The following TMPRSS2 variants were observed in gnomAD, a reference collection of about 807,000 sequenced individuals.
TMPRSS2 encodes the protein transmembrane protease serine 2.
A neutral mutation model predicts 67.4 loss-of-function variants in TMPRSS2; 59 were observed. The observed-to-expected ratio is 0.88, with a 90% CI of 0.71 to 1.09. The LOEUF is 1.09. TMPRSS2 is among the 50% of genes least tolerant of loss of function. The pLI, the probability that TMPRSS2 is intolerant of heterozygous loss-of-function variation, is 0.00. For synonymous variants in TMPRSS2, 257 were observed against 257.0 expected (o/e 1.00, Z 0.00); for missense variants, 668 against 642.7 (o/e 1.04, Z -0.43).
At position 41,465,295 on chromosome 21, in the gene TMPRSS2, C is replaced by T. The variant is rs1601556972; in HGVS notation, c.*847G>A. The T allele has an allele frequency of 4.3e-6, 1 of 233,752 alleles. No homozygotes were observed. Among genetic ancestry groups the T allele is most frequent in the East Asian group, 6.0e-5 (1 of 16,574 alleles). The allele number at this position is 233,752 out of a possible 1,614,324, so 14.5% of individuals were successfully genotyped here. Reference sequence around the variant, plus strand: ...GAGCATCCTTGATTTCCCCCATGGACCTCAATTTCCAGTGACTAGCAGGCC... The same window carrying T: ...GAGCATCCTTGATTTCCCCCATGGATCTCAATTTCCAGTGACTAGCAGGCC... On this transcript the variant is annotated 3_prime_UTR_variant, in exon 14 of 14. Transcript: ENST00000332149.
chr21:41,476,167 A>G (rs1601570874), intron 8 of TMPRSS2, among the ~76,000 whole-genome samples: 1 of 152,158 alleles, frequency 6.6e-6, no homozygotes. Flanking sequence ...CCACTGGCTG[A>G]TGAGCACCTG....
chr21:41,501,361 C>G (rs2091422296), intron 1 of TMPRSS2, among the ~76,000 whole-genome samples: 2 of 152,328 alleles, frequency 1.3e-5, no homozygotes, highest in African/African-American at 4.8e-5. Flanking sequence ...ATAATTCCAG[C>G]ACTTTGGGAG....
chr21:41,506,243 G>T (rs1350353773), intron 1 of TMPRSS2, among the ~76,000 whole-genome samples: 4 of 152,330 alleles, frequency 2.6e-5, no homozygotes, highest in African/African-American at 9.6e-5. Context: ...TGGGAATAAG[G>T]GAAGCTGCTG....
At chr21:41,495,284 T>C (rs1964761667) in intron 2 of TMPRSS2, among the ~76,000 whole-genome samples, 1 of 152,106 alleles carries the variant, frequency 6.6e-6, no homozygotes, top group African/African-American at 2.4e-5. Context: ...TAATACAATA[T>C]TTATTCACGA....
intron 3 of TMPRSS2, among the ~76,000 whole-genome samples, chr21:41,491,667 AAGATAAAATAACTGGTCTGCTG>A (rs1427448103): frequency 6.6e-6 from 1 of 152,230 alleles, no homozygotes; most frequent in Non-Finnish European, 1.5e-5. Flanking sequence ...CATTTTATCC[AAGATAAAATAACTGGTCTGCTG>A]AGATGAGGGC....
At position 41,494,382 on chromosome 21, in the gene TMPRSS2, G is replaced by A. The variant is rs1037177177; in HGVS notation, c.212C>T (p.Ser71Phe). 6.2e-7 allele frequency: 1 copy of A among 1,609,906 alleles called. No individual in the cohort carries two copies. The highest frequency in any genetic ancestry group is 1.3e-5 in the African/African-American group (1 of 74,600). The stretch of plus-strand genomic sequence containing the variant: ...TGAGGTGCACACTGTCCCGGATGGG[G>A]ATTTGGGCTGCGTGCAGACGACGGG... ...SNPVVCTQPK[S>F]PSGTVCTSKT... Residue 71 changes from serine (S) to phenylalanine (F), a missense_variant, in exon 3 of 14, where the codon TCC becomes TTC. Ser to Phe is a radical substitution (Grantham distance 155). Transcript: ENST00000332149.
At chr21:41,476,710 T>A in intron 7 of TMPRSS2, 90 bp from the exon 8 acceptor site, 2 of 1,148,702 alleles carry the variant, frequency 1.7e-6, no homozygotes, top group Middle Eastern at 1.9e-4. Context: ...CTTCCGATGT[T>A]CCCTCTCCTG....
At chr21:41,479,358 G>T in intron 6 of TMPRSS2, 76 bp from the exon 7 acceptor site, 1 of 1,062,104 alleles carries the variant, frequency 9.4e-7, no homozygotes, top group Non-Finnish European at 1.4e-6. Flanking sequence ...TCATAATACC[G>T]CTCATACGAC....
intron 5 of TMPRSS2, among the ~76,000 whole-genome samples, chr21:41,482,321 G>A (rs1423320538): frequency 1.3e-5 from 2 of 152,166 alleles, no homozygotes; most frequent in Non-Finnish European, 2.9e-5. Flanking sequence ...AATACATGGG[G>A]TGGGCGTATT....
intron 1 of TMPRSS2, chr21:41,507,859 G>C (rs1192971430): frequency 1.4e-5 from 19 of 1,397,114 alleles, no homozygotes; most frequent in Non-Finnish European, 1.6e-5. Flanking sequence ...TCGGCCGTGC[G>C]CAAGGGGTCC....
rs1471054844 is a variant in TMPRSS2 at position 41,494,218 on chromosome 21, G to A, written c.238+138C>T. 1.6e-5 allele frequency: 15 copies of A among 923,890 alleles called. 1 individual carries two copies. In the South Asian group the frequency reaches 2.2e-4, roughly 13 times the overall value. 57.2% of individuals were successfully genotyped at this position (923,890 alleles called of 1,614,324 possible). ...AAGAGAGTGGAAAGGCATGAAGACAGGCTGGCTCCGGAAGACGGAGGAGAA... is the reference window on the plus strand; with the variant it reads ...AAGAGAGTGGAAAGGCATGAAGACAAGCTGGCTCCGGAAGACGGAGGAGAA... On this transcript the variant is annotated intron_variant, in intron 3 of 13. Transcript: ENST00000332149.
chr21:41,475,779 T>C (rs2091207543), intron 8 of TMPRSS2, among the ~76,000 whole-genome samples: 1 of 151,366 alleles, frequency 6.6e-6, no homozygotes, highest in Non-Finnish European at 1.5e-5. Context: ...CCTTCCCTGC[T>C]TCCTGTGTGT....
At chr21:41,480,702 G>C in intron 5 of TMPRSS2, 100 bp from the exon 6 acceptor site, 1 of 1,498,614 alleles carries the variant, frequency 6.7e-7, no homozygotes, top group African/African-American at 1.4e-5. Context: ...GCAGTGGTCT[G>C]ATCTCCACTC....
intron 7 of TMPRSS2, 86 bp downstream of exon 7, chr21:41,479,086 A>G: frequency 9.4e-7 from 1 of 1,063,532 alleles, no homozygotes; most frequent in Non-Finnish European, 1.4e-6. Context: ...TGCAGCTCAG[A>G]GAAATCAGAC....
At position 41,494,472 on chromosome 21, in the gene TMPRSS2, G is replaced by C. The variant is rs138651919; in HGVS notation, c.122C>G (p.Pro41Arg). 6.2e-7 allele frequency: 1 copy of C among 1,614,062 alleles called. No individual in the cohort carries two copies. The highest frequency in any genetic ancestry group is 8.5e-7 in the Non-Finnish European group (1 of 1,179,980). The change falls in exon 3 of 14, where the codon CCG becomes CGG. Residue 41 changes from proline to arginine, a missense_variant. By Grantham distance (103) the Pro-to-Arg change is moderately radical. Transcript: ENST00000332149. ...TVVPTVYEVHPAQYYPSPVPQ... is the reference protein window; with the variant it reads ...TVVPTVYEVHRAQYYPSPVPQ... The stretch of plus-strand genomic sequence containing the variant: ...CACGGGGGACGGGTAGTACTGAGCC[G>C]GATGCACCTCGTAGACAGTGGGGAC...
At chr21:41,505,537 T>A (rs931721860) in intron 1 of TMPRSS2, among the ~76,000 whole-genome samples, 1 of 152,150 alleles carries the variant, frequency 6.6e-6, no homozygotes, top group African/African-American at 2.4e-5. Context: ...CCCCATGGCC[T>A]AGGAGGTCAG....
chr21:41,482,001 C>T (rs1217284960), intron 5 of TMPRSS2, among the ~76,000 whole-genome samples: 1 of 151,980 alleles, frequency 6.6e-6, no homozygotes, highest in African/African-American at 2.4e-5. Flanking sequence ...GTAAAGGTTG[C>T]AGTGAGCTGA....
At chr21:41,485,322 A>G (rs1338554896) in intron 5 of TMPRSS2, among the ~76,000 whole-genome samples, 1 of 152,106 alleles carries the variant, frequency 6.6e-6, no homozygotes, top group Non-Finnish European at 1.5e-5. Context: ...GTTGGTGTTT[A>G]TTCACCCACA....
intron 5 of TMPRSS2, among the ~76,000 whole-genome samples, chr21:41,481,479 G>A (rs533708336): frequency 6.1e-4 from 93 of 152,314 alleles, no homozygotes; most frequent in African/African-American, 2.2e-3. Context: ...GACGGGCTGG[G>A]AGGAGGGATA....
Sources: allele counts gnomAD v4.1 joint callset (sites outside exome capture counted in the v4.1 genomes callset), GRCh38; gene constraint gnomAD v4.1.1; transcripts MANE v1.5; gene names NCBI Gene and HGNC (gene_info 2026-07-23, HGNC 2026-07-21).